Variants in CD34 observed in about 807,000 individuals in gnomAD.
CD34 encodes the protein CD34 molecule, also known as hematopoietic progenitor cell antigen CD34.
In CD34, 34 loss-of-function variants were observed where a neutral mutation model predicts 40.1. The observed-to-expected ratio is 0.85, with a 90% confidence interval of 0.65 to 1.13. The LOEUF (loss-of-function observed/expected upper bound fraction) is 1.13. Among genes scored for constraint, CD34 ranks in the 50% most tolerant of loss-of-function variants. The pLI, the probability that CD34 is intolerant of heterozygous loss-of-function variation, is 0.00. For synonymous variants in CD34, 209 were observed against 190.0 expected (o/e 1.10, Z -0.82); for missense variants, 426 against 466.9 (o/e 0.91, Z 0.81).
Position 207,884,743 on chromosome 1 carries a change from G to A in CD34, c.*2995C>T, listed in dbSNP as rs1248778066. On this transcript the variant is annotated 3_prime_UTR_variant, in exon 8 of 8. Coordinates refer to ENST00000310833, the MANE Select transcript of CD34 (RefSeq NM_001025109.2). Reference sequence around the variant, plus strand: ...ATAGTCAACAGTGTAATACCCTACAGCTAATTTTCCTGGGCTCACTGTGGG... The same window carrying A: ...ATAGTCAACAGTGTAATACCCTACAACTAATTTTCCTGGGCTCACTGTGGG... The A allele has an allele frequency of 2.6e-5, 4 of 152,162 alleles. No homozygotes were observed. Among genetic ancestry groups the A allele is most frequent in the Non-Finnish European group, 5.9e-5 (4 of 68,042 alleles). The allele number at this position is 152,162 out of a possible 1,614,324, so 9.4% of individuals were successfully genotyped here.
intron 6 of CD34, 124 bp downstream of exon 6, chr1:207,889,037 G>T (rs1265441139): frequency 6.9e-6 from 6 of 874,098 alleles, no homozygotes; most frequent in Non-Finnish European, 1.9e-6. Context: ...TTCAAGACTA[G>T]AAAGGAGAAG....
Position 207,889,189 on chromosome 1 carries a change from A to T in CD34, c.779T>A (p.Met260Lys). The T allele has an allele frequency of 6.2e-7, 1 of 1,610,634 alleles. No homozygotes were observed. Among genetic ancestry groups the T allele is most frequent in the Non-Finnish European group, 8.5e-7 (1 of 1,176,830 alleles). ...TTTCAGGTCAGATTGGTGCTTTTTC[A>T]TAAGTTGGAGTTTGCTGGAAATTTC... ...RTEISSKLQL[M>K]KKHQSDLKKL... The change falls in exon 6 of 8, where the codon ATG becomes AAG. Residue 260 changes from methionine (M) to lysine (K), a missense_variant. By Grantham distance (95) the Met-to-Lys change is moderately conservative. Transcript: ENST00000310833.
At chr1:207,909,870 T>C (rs1004134782) in intron 1 of CD34, among the ~76,000 whole-genome samples, 1 of 152,236 alleles carries the variant, frequency 6.6e-6, no homozygotes, top group Non-Finnish European at 1.5e-5. Context: ...TGTCCCCAGC[T>C]GGGCGGACCC....
chr1:207,898,727 C>T (rs1381989448), intron 3 of CD34, among the ~76,000 whole-genome samples: 1 of 152,190 alleles, frequency 6.6e-6, no homozygotes, highest in African/African-American at 2.4e-5. Context: ...TCTGAGAATC[C>T]CGTTTACTCT....
At chr1:207,898,438 T>G (rs575587491) in intron 3 of CD34, among the ~76,000 whole-genome samples, 38 of 152,320 alleles carry the variant, frequency 2.5e-4, no homozygotes, top group South Asian at 2.1e-3. Flanking sequence ...TGAAAGCTGT[T>G]GACAGTCATA....
chr1:207,890,728 G>T (rs1394524154), intron 4 of CD34, among the ~76,000 whole-genome samples: 1 of 152,130 alleles, frequency 6.6e-6, no homozygotes, highest in Non-Finnish European at 1.5e-5. Context: ...AGTGTGGTTA[G>T]CCAAACTCCA....
chr1:207,899,515 C>T (rs989412344), intron 2 of CD34, among the ~76,000 whole-genome samples: 2 of 152,188 alleles, frequency 1.3e-5, no homozygotes, highest in South Asian at 2.1e-4. Flanking sequence ...TAGAAGAGAT[C>T]GGAGATCTCT....
rs1661822630 is a variant in CD34, at chr1:207,882,187, G to A, written c.*5551C>T. On this transcript the variant is annotated 3_prime_UTR_variant, in exon 8 of 8. Coordinates refer to ENST00000310833, the MANE Select transcript of CD34 (RefSeq NM_001025109.2). ...TGTAGAGAGAAGAAGGCAGAATTGG[G>A]AGGGACTTTTGGACTCAAGGAATGA... 1 of 152,238 alleles carries A rather than the reference G, an allele frequency of 6.6e-6. No individual in the cohort carries two copies. The highest frequency in any genetic ancestry group is 6.5e-5 in the Admixed American group (1 of 15,288). The allele number at this position is 152,238 out of a possible 1,614,324, so 9.4% of individuals were successfully genotyped here. A position where few individuals can be genotyped will look rare whatever the true frequency, so the allele number is the denominator to read the frequency against.
chr1:207,900,100 A>C, intron 1 of CD34, 97 bp from the exon 2 acceptor site: 4 of 906,816 alleles, frequency 4.4e-6, no homozygotes, highest in Non-Finnish European at 6.7e-6. Flanking sequence ...ATTCGTCTAG[A>C]ACATTCCCTG....
intron 4 of CD34, among the ~76,000 whole-genome samples, chr1:207,892,870 TC>T (rs1662066153): frequency 1.3e-5 from 2 of 152,110 alleles, no homozygotes; most frequent in East Asian, 1.9e-4. Context: ...CAACTTAACA[TC>T]CCAACCAGTT....
chr1:207,899,033 G>A lies in CD34; in HGVS notation c.456C>T (p.Ser152=), dbSNP rs1274197730. ...AGGGTTTAGTGGGAGATGTTGCAAGGCTAGTGCTAGTGGTTGAAAGGTCTG... is the reference window on the plus strand; with the variant it reads ...AGGGTTTAGTGGGAGATGTTGCAAGACTAGTGCTAGTGGTTGAAAGGTCTG... ...NVSDLSTTST[S]LATSPTKPYT... is the part of the protein sequence containing the mutation. The change falls in exon 3 of 8, where the codon AGC becomes AGT. Residue 152 remains serine (S), a synonymous_variant. Transcript: ENST00000310833. 6.2e-7 allele frequency: 1 copy of A among 1,614,148 alleles called. No individual in the cohort carries two copies. The highest frequency in any genetic ancestry group is 8.5e-7 in the Non-Finnish European group (1 of 1,179,970).
Position 207,890,121 on chromosome 1 carries a change from A to G in CD34, c.598-500T>C, listed in dbSNP as rs1009896. The stretch of plus-strand genomic sequence containing the variant: ...CCTCTTTCTACCCAAAGGAGTCTCA[A>G]AAAGTGCATTGCTCAAACTGAAATG... On this transcript the variant is annotated intron_variant, in intron 4 of 7. Transcript: ENST00000310833. 2.8e-4 allele frequency: 314 copies of G among 1,135,062 alleles called. 2 individuals carry two copies. The highest frequency in any genetic ancestry group is 2.6e-3 in the Middle Eastern group (7 of 2,668). The allele number at this position is 1,135,062 out of a possible 1,614,324, so 70.3% of individuals were successfully genotyped here.
rs183471384 is a variant in CD34 at position 207,881,248 on chromosome 1, A to C, written c.*6490T>G. ...CTCTGAGGTCAAAACAATTTGAATA[A>C]TAATACTACAAATCTATTTTCCTTT... On this transcript the variant is annotated 3_prime_UTR_variant, in exon 8 of 8. Coordinates refer to ENST00000310833, the MANE Select transcript of CD34 (RefSeq NM_001025109.2). 1 of 152,364 alleles carries C rather than the reference A, an allele frequency of 6.6e-6. No individual in the cohort carries two copies. Among genetic ancestry groups the C allele is most frequent in the East Asian group, 1.9e-4 (1 of 5,188 alleles). 9.4% of individuals were successfully genotyped at this position (152,364 alleles called of 1,614,324 possible). A position where few individuals can be genotyped will look rare whatever the true frequency, so the allele number is the denominator to read the frequency against.
At position 207,885,686 on chromosome 1, in the gene CD34, C is replaced by T. The variant is rs936347054; in HGVS notation, c.*2052G>A. On this transcript the variant is annotated 3_prime_UTR_variant, in exon 8 of 8. Coordinates refer to ENST00000310833, the MANE Select transcript of CD34 (RefSeq NM_001025109.2). ...TTGCTCCAACCCTCAAGGCAGCCAT[C>T]GCCTTTGAGGGAAGACTCTGAACCT... 4 of 152,098 alleles carry T rather than the reference C, an allele frequency of 2.6e-5. No homozygotes were observed. The highest frequency in any genetic ancestry group is 4.8e-5 in the African/African-American group (2 of 41,388). 9.4% of individuals were successfully genotyped at this position (152,098 alleles called of 1,614,324 possible).
At position 207,889,334 on chromosome 1, in the gene CD34, C is replaced by A; in HGVS notation, c.755-121G>T. On this transcript the variant is annotated intron_variant, in intron 5 of 7. Transcript: ENST00000310833. ...GGTGGTCCATCTCGGGGGGACCGCTCCCAAAGCCAGCCAAGTCCTTCTCCC... is the reference window on the plus strand; with the variant it reads ...GGTGGTCCATCTCGGGGGGACCGCTACCAAAGCCAGCCAAGTCCTTCTCCC... 2.6e-6 allele frequency: 4 copies of A among 1,554,312 alleles called. No homozygotes were observed. The South Asian group carries it at 4.8e-5, about 19-fold the overall frequency.
rs899040451 is a variant in CD34, at chr1:207,886,573, C to T, written c.*1165G>A. On this transcript the variant is annotated 3_prime_UTR_variant, in exon 8 of 8. Coordinates refer to ENST00000310833, the MANE Select transcript of CD34 (RefSeq NM_001025109.2). ...TATCACTTTAATTGCAGTATTTAAA[C>T]ACATCACTTTGTATTCAGAAAAAAT... 2 of 152,604 alleles carry T rather than the reference C, an allele frequency of 1.3e-5. No homozygotes were observed. Among genetic ancestry groups the T allele is most frequent in the Non-Finnish European group, 2.9e-5 (2 of 68,036 alleles). 9.5% of individuals were successfully genotyped at this position (152,604 alleles called of 1,614,324 possible).
chr1:207,903,156 C>A (rs561519041), intron 1 of CD34, among the ~76,000 whole-genome samples: 1 of 152,312 alleles, frequency 6.6e-6, no homozygotes, highest in Admixed American at 6.5e-5. Context: ...AGGGAGAGTG[C>A]ATCTTTTAGG....
Position 207,888,162 on chromosome 1 carries a change from G to A in CD34, c.973-239C>T, listed in dbSNP as rs201708983. The stretch of plus-strand genomic sequence containing the variant: ...AGGAGAGGCACCACACCATGCCACC[G>A]CAGCTCGGCAGCCAGCTCCCGCAGG... On this transcript the variant is annotated intron_variant, in intron 7 of 7. Coordinates refer to ENST00000310833, the MANE Select transcript of CD34 (RefSeq NM_001025109.2). 1,046 of 1,607,658 alleles carry A rather than the reference G, an allele frequency of 6.5e-4. 1 individual carries two copies. The highest frequency in any genetic ancestry group is 1.2e-3 in the Middle Eastern group (7 of 6,054).
intron 7 of CD34, 168 bp from the exon 8 acceptor site, chr1:207,888,091 T>G: frequency 6.2e-7 from 1 of 1,613,914 alleles, no homozygotes; most frequent in Non-Finnish European, 8.5e-7. Flanking sequence ...ACTCCTTTCT[T>G]CCTGAAGAGT....
Sources: gnomAD v4.1 joint callset for allele counts (sites outside exome capture counted in the v4.1 genomes callset) on GRCh38, gnomAD v4.1.1 for gene constraint, MANE v1.5 for transcripts, NCBI Gene and HGNC (gene_info 2026-07-23, HGNC 2026-07-21) for gene names.